The following TIAM1 variants were observed in gnomAD, a reference collection of about 807,000 sequenced individuals.
The protein encoded by TIAM1 is rho guanine nucleotide exchange factor TIAM1.
In TIAM1, 65 loss-of-function variants were observed where a neutral mutation model predicts 163.5. The observed-to-expected ratio is 0.40, with a 90% CI of 0.33 to 0.49. The LOEUF (loss-of-function observed/expected upper bound fraction) is 0.49. TIAM1 is among the 20% of genes least tolerant of loss of function. The pLI, the probability that TIAM1 is intolerant of heterozygous loss-of-function variation, is 0.77. For synonymous variants in TIAM1, 833 were observed against 810.1 expected (o/e 1.03, Z -0.48); for missense variants, 1,789 against 2,044.7 (o/e 0.87, Z 2.41).
intron 2 of TIAM1, among the ~76,000 whole-genome samples, chr21:31,368,792 C>G (rs373928109): frequency 1.3e-5 from 2 of 152,206 alleles, no homozygotes; most frequent in Middle Eastern, 3.4e-3. Context: ...AAAATACAAG[C>G]GTCTAGACTC....
chr21:31,361,837 T>TTAGATAGA (rs75126984), intron 2 of TIAM1, among the ~76,000 whole-genome samples: 27,727 of 147,506 alleles, frequency 0.19, 2,646 homozygotes, highest in African/African-American at 0.22. Context: ...GGAAGAAAGA[T>TTAGATAGA]TAGATAGATA....
chr21:31,464,321 C>T (rs186933710), intron 1 of TIAM1, among the ~76,000 whole-genome samples: 43 of 152,284 alleles, frequency 2.8e-4, no homozygotes. Context: ...ATTCCTAGGT[C>T]GGCAACACAG....
At chr21:31,209,187 G>A (rs541088794) in intron 11 of TIAM1, among the ~76,000 whole-genome samples, 2 of 152,248 alleles carry the variant, frequency 1.3e-5, no homozygotes, top group Middle Eastern at 3.4e-3. Context: ...GGCCCTCTGA[G>A]CTTCACTTCC....
chr21:31,448,894 C>G (rs2044725283), intron 2 of TIAM1, among the ~76,000 whole-genome samples: 1 of 152,164 alleles, frequency 6.6e-6, no homozygotes. Flanking sequence ...GGCCTAGGTA[C>G]TTGACCTCTC....
intron 1 of TIAM1, among the ~76,000 whole-genome samples, chr21:31,525,362 C>T (rs1204674195): frequency 6.8e-6 from 1 of 147,860 alleles, no homozygotes; most frequent in Non-Finnish European, 1.5e-5. Flanking sequence ...AGCCAGACTC[C>T]GTCTCAAAAA....
intron 1 of TIAM1, among the ~76,000 whole-genome samples, chr21:31,535,466 C>T (rs138822547): frequency 9.9e-4 from 145 of 147,142 alleles, no homozygotes; most frequent in African/African-American, 3.5e-3. Context: ...AAAACTAAAG[C>T]ACATGCAAAT....
rs143979281 is a variant in TIAM1 at position 31,275,716 on chromosome 21, C to T, written c.-12+1016G>A. 1.2e-4 allele frequency among the ~76,000 whole-genome samples: 18 copies of T among 152,210 alleles called. No individual in the cohort carries two copies. The East Asian group carries it at 2.3e-3, about 20-fold the overall frequency. ...TCTTCTGAGTGGGAATGTTCAACAC[C>T]GACATTGCCTTATAACAAGGGCACT... On this transcript the variant is annotated intron_variant, in intron 3 of 27. Coordinates refer to ENST00000541036, the MANE Select transcript of TIAM1 (RefSeq NM_001353694.2).
chr21:31,523,289 T>C (rs2047668159), intron 1 of TIAM1, among the ~76,000 whole-genome samples: 1 of 152,192 alleles, frequency 6.6e-6, no homozygotes, highest in Non-Finnish European at 1.5e-5. Flanking sequence ...ACTGAATAGT[T>C]CAATGCTTTT....
intron 19 of TIAM1, among the ~76,000 whole-genome samples, chr21:31,148,477 T>C (rs2083236674): frequency 6.6e-6 from 1 of 152,188 alleles, no homozygotes; most frequent in South Asian, 2.1e-4. Flanking sequence ...AAACCTCTTT[T>C]TCTTTACAAA....
intron 1 of TIAM1, among the ~76,000 whole-genome samples, chr21:31,526,662 A>G (rs2047796466): frequency 6.6e-6 from 1 of 152,054 alleles, no homozygotes; most frequent in Non-Finnish European, 1.5e-5. Context: ...CCTTCATCAT[A>G]TATCTATGGG....
chr21:31,247,694 C>A (rs1168568332), intron 5 of TIAM1, among the ~76,000 whole-genome samples: 1 of 152,170 alleles, frequency 6.6e-6, no homozygotes, highest in Admixed American at 6.5e-5. Flanking sequence ...CCACACCAAG[C>A]TAATTTCTTT....
chr21:31,297,325 G>A (rs1271160943), intron 2 of TIAM1, among the ~76,000 whole-genome samples: 1 of 152,170 alleles, frequency 6.6e-6, no homozygotes, highest in Non-Finnish European at 1.5e-5. Flanking sequence ...TGGTGAATGG[G>A]TACACAGTTT....
At chr21:31,472,276 C>T (rs1221984555) in intron 1 of TIAM1, among the ~76,000 whole-genome samples, 1 of 152,130 alleles carries the variant, frequency 6.6e-6, no homozygotes, top group Non-Finnish European at 1.5e-5. Context: ...CTTGTAATCC[C>T]AGCACTTTGG....
intron 4 of TIAM1, among the ~76,000 whole-genome samples, chr21:31,264,302 T>C (rs1212528111): frequency 1.3e-5 from 2 of 152,132 alleles, no homozygotes; most frequent in African/African-American, 4.8e-5. Context: ...GAGTCCCCAG[T>C]GTCTACTGTT....
intron 2 of TIAM1, among the ~76,000 whole-genome samples, chr21:31,318,268 T>G (rs1415925580): frequency 6.6e-6 from 1 of 152,156 alleles, no homozygotes; most frequent in Non-Finnish European, 1.5e-5. Flanking sequence ...CGGCTATGTT[T>G]TGTATTTTTC....
At chr21:31,486,521 G>A (rs2046277673) in intron 1 of TIAM1, among the ~76,000 whole-genome samples, 1 of 152,240 alleles carries the variant, frequency 6.6e-6, no homozygotes, top group African/African-American at 2.4e-5. Context: ...TTTAATTTAG[G>A]TCCGACAAAT....
intron 1 of TIAM1, among the ~76,000 whole-genome samples, chr21:31,516,687 AAGG>A (rs977450072): frequency 1.9e-4 from 28 of 150,784 alleles, no homozygotes; most frequent in Admixed American, 1.8e-3. Flanking sequence ...AAAAAAAAAG[AAGG>A]AGAAGAAAAG....
chr21:31,124,537 C>T lies in TIAM1; in HGVS notation c.4291G>A (p.Ala1431Thr). The part of the protein sequence containing the change: ...RLCALKGARP[A>T]MSRAVSAPSK... ...CCCACAGTACCTGCCCTGCTCATGG[C>T]CGGCCTGGCCCCCTTCAGTGCACAC... Residue 1431 changes from alanine (A) to threonine (T), a missense_variant, in exon 27 of 28, where the codon GCC becomes ACC. Physicochemically the swap from Ala to Thr is moderately conservative, Grantham distance 58. Coordinates refer to ENST00000541036, the MANE Select transcript of TIAM1 (RefSeq NM_001353694.2). The T allele has an allele frequency of 6.2e-7, 1 of 1,613,252 alleles. No individual in the cohort carries two copies. Among genetic ancestry groups the T allele is most frequent in the East Asian group, 2.2e-5 (1 of 44,872 alleles).
chr21:31,222,080 A>G (rs2087592025), intron 8 of TIAM1, among the ~76,000 whole-genome samples: 2 of 152,210 alleles, frequency 1.3e-5, no homozygotes, highest in South Asian at 4.1e-4. Context: ...AATTGGTTTA[A>G]GACTTCTTTA....
Sources: gnomAD v4.1 joint callset for allele counts (sites outside exome capture counted in the v4.1 genomes callset) on GRCh38, gnomAD v4.1.1 for gene constraint, MANE v1.5 for transcripts, NCBI Gene and HGNC (gene_info 2026-07-23, HGNC 2026-07-21) for gene names.